Variants in TIGD2 observed in about 807,000 individuals in gnomAD.
TIGD2 encodes tigger transposable element derived 2.
Under a neutral mutation model 27.0 loss-of-function variants are expected in TIGD2, and 14 were observed. The ratio of observed to expected loss-of-function variants is 0.52; its 90% confidence interval spans 0.34 to 0.81. The LOEUF is 0.81. TIGD2 is among the 30% of genes least tolerant of loss of function. The pLI is 0.01. For missense variants in TIGD2, 590 were observed against 617.3 expected (o/e 0.96, Z 0.47); for synonymous variants, 201 against 209.0 (o/e 0.96, Z 0.33).
In TIGD2 at chr4:89,114,157, A is replaced by G; in HGVS notation, c.1183A>G (p.Asn395Asp). 6.2e-7 allele frequency: 1 copy of G among 1,614,168 alleles called. No homozygotes were observed. Among genetic ancestry groups the G allele is most frequent in the Non-Finnish European group, 8.5e-7 (1 of 1,180,000 alleles). Reference protein sequence around the residue: ...WKKLFPGNEENSGMNIDEGAI... With the variant: ...WKKLFPGNEEDSGMNIDEGAI... ...AAAACTTTTCCCTGGCAATGAAGAG[A>G]ATTCAGGTATGAACATTGATGAAGG... The change falls in exon 2 of 2, where the codon AAT (asparagine) becomes GAT (aspartate). Residue 395 changes from asparagine (N) to aspartate (D), a missense_variant. Coordinates refer to ENST00000603357, the MANE Select transcript of TIGD2 (RefSeq NM_145715.3).
chr4:89,113,725 A>T lies in TIGD2; in HGVS notation c.751A>T (p.Ser251Cys). 6.2e-7 allele frequency: 1 copy of T among 1,614,216 alleles called. No individual in the cohort carries two copies. The highest frequency in any genetic ancestry group is 8.5e-7 in the Non-Finnish European group (1 of 1,180,038). The change falls in exon 2 of 2, where the codon AGT becomes TGT. Residue 251 changes from serine to cysteine, a missense_variant. Transcript: ENST00000603357. The stretch of plus-strand genomic sequence containing the variant: ...TTCAAACCTTCCTGTGACATATTAC[A>T]GTCAAAAAGGTGCATGGATAGAACA... ...DLSNLPVTYYSQKGAWIEQSV... is the reference protein window; with the variant it reads ...DLSNLPVTYYCQKGAWIEQSV...
Position 89,114,216 on chromosome 4 carries a change from A to C in TIGD2, c.1242A>C (p.Leu414Phe), listed in dbSNP as rs761365335. ...TAGCAGCTAATTTAGCAACAGTTTT[A>C]CAGAACACAGAAGAATGTGAACATG... ...AILAANLATV[L>F]QNTEECEHVD... is the part of the protein sequence containing the mutation. The change falls in exon 2 of 2, where the codon TTA (leucine) becomes TTC (phenylalanine). Residue 414 changes from leucine (L) to phenylalanine (F), a missense_variant. By Grantham distance (22) the Leu-to-Phe change is conservative (BLOSUM62 0). Transcript: ENST00000603357. 1 of 1,614,188 alleles carries C rather than the reference A, an allele frequency of 6.2e-7. No homozygotes were observed. Among genetic ancestry groups the C allele is most frequent in the South Asian group, 1.1e-5 (1 of 91,086 alleles).
Position 89,112,944 on chromosome 4 carries a change from T to C in TIGD2, c.-31T>C, listed in dbSNP as rs1172771461. The C allele has an allele frequency of 4.0e-6, 6 of 1,502,630 alleles. No individual in the cohort carries two copies. The East Asian group carries it at 6.8e-5, about 17-fold the overall frequency. The allele number at this position is 1,502,630 out of a possible 1,614,324, so 93.1% of individuals were successfully genotyped here. A position where few individuals can be genotyped will look rare whatever the true frequency, so the allele number is the denominator to read the frequency against. ...ATCTTAGTTGTTAATTATCTTGTTC[T>C]AGTAATCACCTAAAATATTAGACAC... is the stretch of plus-strand genomic sequence containing the variant. On this transcript the variant is annotated 5_prime_UTR_variant, in exon 2 of 2. Coordinates refer to ENST00000603357, the MANE Select transcript of TIGD2 (RefSeq NM_145715.3).
upstream of TIGD2, chr4:89,111,330 C>G (rs1721044469): frequency 3.1e-6 from 2 of 645,174 alleles, no homozygotes; most frequent in African/African-American, 3.9e-5. Flanking sequence ...GTGCCTCCCC[C>G]TGCCGGCCAG....
chr4:89,113,717 C>A lies in TIGD2; in HGVS notation c.743C>A (p.Thr248Lys), dbSNP rs559478118. 3.7e-6 allele frequency: 6 copies of A among 1,614,190 alleles called. No individual in the cohort carries two copies. In the Admixed American group the frequency reaches 6.7e-5, roughly 18 times the overall value. The change falls in exon 2 of 2, where the codon ACA becomes AAA. Residue 248 changes from threonine (T) to lysine (K), a missense_variant. Coordinates refer to ENST00000603357, the MANE Select transcript of TIGD2 (RefSeq NM_145715.3). ...KGTDLSNLPVTYYSQKGAWIE... is the reference protein window; with the variant it reads ...KGTDLSNLPVKYYSQKGAWIE... ...ACTGACCTTTCAAACCTTCCTGTGACATATTACAGTCAAAAAGGTGCATGG... is the reference window on the plus strand; with the variant it reads ...ACTGACCTTTCAAACCTTCCTGTGAAATATTACAGTCAAAAAGGTGCATGG...
rs1266280546 is a variant in TIGD2, at chr4:89,111,590, C to G, written c.-1202C>G. ...TCGTCCCTCTCCGCTCGTCCCTCGC[C>G]GCTGCCGGGCCACCAGTGCCAGCCT... On this transcript the variant is annotated 5_prime_UTR_variant, in exon 1 of 2. Coordinates refer to ENST00000603357, the MANE Select transcript of TIGD2 (RefSeq NM_145715.3). The G allele has an allele frequency of 6.6e-6, 1 of 152,644 alleles. No individual in the cohort carries two copies. Among genetic ancestry groups the G allele is most frequent in the Admixed American group, 6.5e-5 (1 of 15,290 alleles). The allele number at this position is 152,644 out of a possible 1,614,324, so 9.5% of individuals were successfully genotyped here.
At chr4:89,111,317 C>A, upstream of TIGD2, 1 of 728,362 alleles carries the variant, frequency 1.4e-6, no homozygotes, top group Non-Finnish European at 1.7e-6. Context: ...ACAAGGCGAG[C>A]GTGTGCCTCC....
upstream of TIGD2, chr4:89,111,253 C>T (rs748151178): frequency 1.0e-6 from 1 of 979,164 alleles, no homozygotes; most frequent in African/African-American, 1.8e-5. Flanking sequence ...AAATTTCCCC[C>T]TAGGGAGAAA....
In TIGD2 at chr4:89,114,569, T is replaced by G; in HGVS notation, c.*17T>G. On this transcript the variant is annotated 3_prime_UTR_variant, in exon 2 of 2. Coordinates refer to ENST00000603357, the MANE Select transcript of TIGD2 (RefSeq NM_145715.3). ...AATCATTAATAAGGCTCTTAAGTAT[T>G]TCAGTGTATCTGCATCTTTGTGACT... The G allele has an allele frequency of 6.4e-7, 1 of 1,558,868 alleles. No homozygotes were observed.
At position 89,111,704 on chromosome 4, in the gene TIGD2, C is replaced by A. The variant is rs1721078750; in HGVS notation, c.-1088C>A. 1.3e-5 allele frequency: 2 copies of A among 152,254 alleles called. No individual in the cohort carries two copies. Among genetic ancestry groups the A allele is most frequent in the Admixed American group, 1.3e-4 (2 of 15,286 alleles). The allele number at this position is 152,254 out of a possible 1,614,324, so 9.4% of individuals were successfully genotyped here. On this transcript the variant is annotated 5_prime_UTR_variant, in exon 1 of 2. Transcript: ENST00000603357. ...TGCCCGGGGCCGGCGGACTGGCGTTCCCTGTGCCAAGCGGCCGCCCGCTGG... is the reference window on the plus strand; with the variant it reads ...TGCCCGGGGCCGGCGGACTGGCGTTACCTGTGCCAAGCGGCCGCCCGCTGG...
At position 89,111,757 on chromosome 4, in the gene TIGD2, G is replaced by A. The variant is rs1458409072; in HGVS notation, c.-1035G>A. ...GGCTGGCTGCAGCAGTGACATCCTG[G>A]TCGCCGGCGTCCAGGCGGAATCCGG... is the stretch of plus-strand genomic sequence containing the variant. On this transcript the variant is annotated 5_prime_UTR_variant, in exon 1 of 2. Transcript: ENST00000603357. The A allele has an allele frequency of 6.6e-6, 1 of 152,198 alleles. No homozygotes were observed. The highest frequency in any genetic ancestry group is 2.4e-5 in the African/African-American group (1 of 41,468). The allele number at this position is 152,198 out of a possible 1,614,324, so 9.4% of individuals were successfully genotyped here. A position where few individuals can be genotyped will look rare whatever the true frequency, so the allele number is the denominator to read the frequency against.
rs1054263862 is a variant in TIGD2, at chr4:89,114,701, A to G, written c.*149A>G. On this transcript the variant is annotated 3_prime_UTR_variant, in exon 2 of 2. Coordinates refer to ENST00000603357, the MANE Select transcript of TIGD2 (RefSeq NM_145715.3). ...GTCAGTTTGGATTACTTAAATTACAACTCTTTAATGTTGACTCTAGTCATT... is the reference window on the plus strand; with the variant it reads ...GTCAGTTTGGATTACTTAAATTACAGCTCTTTAATGTTGACTCTAGTCATT... 4 of 763,382 alleles carry G rather than the reference A, an allele frequency of 5.2e-6. No homozygotes were observed. Among genetic ancestry groups the G allele is most frequent in the South Asian group, 4.4e-5 (2 of 45,232 alleles). 47.3% of individuals were successfully genotyped at this position (763,382 alleles called of 1,614,324 possible). A position where few individuals can be genotyped will look rare whatever the true frequency, so the allele number is the denominator to read the frequency against.
Position 89,113,216 on chromosome 4 carries a change from G to A in TIGD2, c.242G>A (p.Arg81Lys), listed in dbSNP as rs759040330. The A allele has an allele frequency of 6.2e-7, 1 of 1,614,098 alleles. No individual in the cohort carries two copies. Among genetic ancestry groups the A allele is most frequent in the South Asian group, 1.1e-5 (1 of 91,080 alleles). ...MKSSTYEELD[R>K]VMIEWFNQQK... is the part of the protein sequence containing the mutation. ...TCATCAACATACGAGGAGCTTGATAGAGTTATGATAGAGTGGTTTAACCAA... is the reference window on the plus strand; with the variant it reads ...TCATCAACATACGAGGAGCTTGATAAAGTTATGATAGAGTGGTTTAACCAA... Residue 81 changes from arginine (R) to lysine (K), a missense_variant, in exon 2 of 2, where the codon AGA becomes AAA. Arg to Lys is a conservative substitution (Grantham distance 26). Around this residue, in one of 3 missense-constraint regions of TIGD2, gnomAD observed 47 missense variants for 79.7 expected, o/e 0.59. Transcript: ENST00000603357.
upstream of TIGD2, chr4:89,111,173 C>T: frequency 1.0e-6 from 1 of 985,594 alleles, no homozygotes; most frequent in Non-Finnish European, 1.2e-6. Context: ...CGCCCTGCCC[C>T]ATTCGCAGCC....
rs1176222204 is a variant in TIGD2 at position 89,113,139 on chromosome 4, T to C, written c.165T>C (p.Tyr55=). 5 of 1,614,048 alleles carry C rather than the reference T, an allele frequency of 3.1e-6. No individual in the cohort carries two copies. Among genetic ancestry groups the C allele is most frequent in the Non-Finnish European group, 4.2e-6 (5 of 1,180,012 alleles). Residue 55 remains tyrosine, a synonymous_variant, in exon 2 of 2, where the codon TAT becomes TAC. Coordinates refer to ENST00000603357, the MANE Select transcript of TIGD2 (RefSeq NM_145715.3). The part of the protein sequence containing the change: ...IKKNKERIIN[Y]ANSSDPTSGV... ...AGAACAAAGAAAGGATTATAAACTATGCAAACAGTTCAGATCCTACCAGTG... is the reference window on the plus strand; with the variant it reads ...AGAACAAAGAAAGGATTATAAACTACGCAAACAGTTCAGATCCTACCAGTG...
At position 89,113,185 on chromosome 4, in the gene TIGD2, A is replaced by G. The variant is rs1379319698; in HGVS notation, c.211A>G (p.Met71Val). The G allele has an allele frequency of 2.5e-6, 4 of 1,614,148 alleles. No homozygotes were observed. The highest frequency in any genetic ancestry group is 1.3e-5 in the African/African-American group (1 of 75,070). The change falls in exon 2 of 2, where the codon ATG (methionine) becomes GTG (valine). Residue 71 changes from methionine (M) to valine (V), a missense_variant. Physicochemically the swap from Met to Val is conservative, Grantham distance 21. Transcript: ENST00000603357. ...CAGTGGAGTATCCAAACGTAAATCT[A>G]TGAAGTCATCAACATACGAGGAGCT... ...PTSGVSKRKS[M>V]KSSTYEELDR...
upstream of TIGD2, chr4:89,111,229 G>T (rs780256740): frequency 2.0e-6 from 2 of 984,866 alleles, no homozygotes; most frequent in Non-Finnish European, 2.4e-6. Context: ...CAGCACTGGG[G>T]GGGTGAGATT....
In TIGD2 at chr4:89,113,150, C is replaced by A. The variant is rs867048429; in HGVS notation, c.176C>A (p.Ser59Ter). The A allele has an allele frequency of 6.2e-7, 1 of 1,614,064 alleles. No homozygotes were observed. Among genetic ancestry groups the A allele is most frequent in the Admixed American group, 1.7e-5 (1 of 60,010 alleles). ...KERIINYANS[S>*]DPTSGVSKRK... ...AGGATTATAAACTATGCAAACAGTTCAGATCCTACCAGTGGAGTATCCAAA... is the reference window on the plus strand; with the variant it reads ...AGGATTATAAACTATGCAAACAGTTAAGATCCTACCAGTGGAGTATCCAAA... Residue 59 changes from serine (S) to a stop codon, truncating the protein, a stop_gained, in exon 2 of 2, where the codon TCA becomes TAA. Coordinates refer to ENST00000603357, the MANE Select transcript of TIGD2 (RefSeq NM_145715.3). LOFTEE classifies it low-confidence loss of function (END_TRUNC).
At position 89,111,573 on chromosome 4, in the gene TIGD2, C is replaced by G. The variant is rs542723118; in HGVS notation, c.-1219C>G. 1.3e-5 allele frequency: 2 copies of G among 152,538 alleles called. No homozygotes were observed. Among genetic ancestry groups the G allele is most frequent in the African/African-American group, 4.8e-5 (2 of 41,536 alleles). 9.4% of individuals were successfully genotyped at this position (152,538 alleles called of 1,614,324 possible). A position where few individuals can be genotyped will look rare whatever the true frequency, so the allele number is the denominator to read the frequency against. On this transcript the variant is annotated 5_prime_UTR_variant, in exon 1 of 2. Transcript: ENST00000603357. ...GGCTCCGGCGGCGACGCTCGTCCCTCTCCGCTCGTCCCTCGCCGCTGCCGG... is the reference window on the plus strand; with the variant it reads ...GGCTCCGGCGGCGACGCTCGTCCCTGTCCGCTCGTCCCTCGCCGCTGCCGG...
Sources: allele counts gnomAD v4.1 joint callset, GRCh38; gene constraint gnomAD v4.1.1; regional missense constraint gnomAD v4.1.1; transcripts MANE v1.5; gene names NCBI Gene and HGNC (gene_info 2026-07-23, HGNC 2026-07-21).